Variants in NMNAT3 observed in about 807,000 individuals in gnomAD.
NMNAT3 encodes nicotinamide nucleotide adenylyltransferase 3, also known as nicotinamide/nicotinic acid mononucleotide adenylyltransferase 3.
A neutral mutation model predicts 24.8 loss-of-function variants in NMNAT3; 21 were observed. That is an observed-to-expected ratio of 0.85 (90% CI 0.60 to 1.22). The LOEUF (loss-of-function observed/expected upper bound fraction) is 1.22. Among genes scored for constraint, NMNAT3 ranks in the 50% most tolerant of loss-of-function variants. The pLI is 0.00. For synonymous variants in NMNAT3, 136 were observed against 155.2 expected, an observed-to-expected ratio of 0.88 and a Z score of 0.92; for missense variants, 387 against 436.6, an observed-to-expected ratio of 0.89 and a Z score of 1.01.
intron 3 of NMNAT3, among the ~76,000 whole-genome samples, chr3:139,593,441 C>T (rs1446912682): frequency 6.6e-6 from 1 of 152,190 alleles, no homozygotes; most frequent in Non-Finnish European, 1.5e-5. Context: ...GAATTGAACT[C>T]AGCTCTGCAC....
chr3:139,579,063 A>G lies in NMNAT3; in HGVS notation c.392-8T>C. 6.2e-7 allele frequency: 1 copy of G among 1,611,198 alleles called. No individual in the cohort carries two copies. The highest frequency in any genetic ancestry group is 1.1e-5 in the South Asian group (1 of 90,288). ...GGATGACCTGGTACATTCCTAGGTA[A>G]GAGAGAGCAGTGGTGTTGCACATAC... On this transcript the variant is annotated splice_region_variant and splice_polypyrimidine_tract_variant and intron_variant, in intron 4 of 6. Transcript: ENST00000643695.
chr3:139,655,800 T>C (rs917887125), intron 1 of NMNAT3, among the ~76,000 whole-genome samples: 3 of 152,228 alleles, frequency 2.0e-5, no homozygotes, highest in African/African-American at 7.2e-5. Flanking sequence ...TTGCTCATTG[T>C]GATTATTTAC....
intron 6 of NMNAT3, chr3:139,572,162 T>C (rs1938483613): frequency 5.0e-6 from 2 of 398,738 alleles, no homozygotes; most frequent in Non-Finnish European, 4.4e-6. Context: ...GCTGTCTCTG[T>C]TCTCAGCCTG....
intron 3 of NMNAT3, 106 bp downstream of exon 4, chr3:139,627,510 G>A: frequency 1.7e-6 from 1 of 602,300 alleles, no homozygotes. Flanking sequence ...TAGTTATGCT[G>A]TGAATAAATT....
intron 1 of NMNAT3, among the ~76,000 whole-genome samples, chr3:139,656,501 T>A (rs567641192): frequency 1.3e-5 from 2 of 152,096 alleles, no homozygotes; most frequent in South Asian, 4.2e-4. Context: ...CAGTCAAATA[T>A]GGAAAAACAA....
chr3:139,657,265 G>A (rs1559961908), intron 1 of NMNAT3, among the ~76,000 whole-genome samples: 1 of 152,314 alleles, frequency 6.6e-6, no homozygotes, highest in East Asian at 1.9e-4. Flanking sequence ...TTCAAGATGG[G>A]CTCATTCATT....
chr3:139,573,593 C>A lies in NMNAT3; in HGVS notation c.658+5G>T. 3 of 1,561,086 alleles carry A rather than the reference C, an allele frequency of 1.9e-6. No individual in the cohort carries two copies. The highest frequency in any genetic ancestry group is 1.9e-5 in the Admixed American group (1 of 53,514). On this transcript the variant is annotated splice_donor_5th_base_variant and intron_variant, in intron 6 of 6. Coordinates refer to ENST00000643695, the MANE Select transcript of NMNAT3 (RefSeq NM_001320510.2). Reference sequence around the variant, plus strand: ...TCTCCTACAGACAAGAGGATCAGCACCCACCTGCAGGGGTCGAGAAGAGTG... The same window carrying A: ...TCTCCTACAGACAAGAGGATCAGCAACCACCTGCAGGGGTCGAGAAGAGTG...
At chr3:139,623,977 T>C (rs1425057613) in intron 3 of NMNAT3, among the ~76,000 whole-genome samples, 1 of 152,240 alleles carries the variant, frequency 6.6e-6, no homozygotes, top group Non-Finnish European at 1.5e-5. Context: ...CACGATGCTA[T>C]AACGTCACTG....
chr3:139,610,538 A>G (rs949480628), intron 3 of NMNAT3, among the ~76,000 whole-genome samples: 1 of 152,254 alleles, frequency 6.6e-6, no homozygotes, highest in South Asian at 2.1e-4. Flanking sequence ...TAGAAATGTG[A>G]AAATGAATAG....
intron 1 of NMNAT3, among the ~76,000 whole-genome samples, chr3:139,669,191 C>G (rs2057676136): frequency 6.6e-6 from 1 of 151,992 alleles, no homozygotes; most frequent in African/African-American, 2.4e-5. Context: ...TGGACGGGGG[C>G]ACTGGGCGCA....
chr3:139,599,673 G>T (rs2054626815), intron 3 of NMNAT3, among the ~76,000 whole-genome samples: 1 of 152,186 alleles, frequency 6.6e-6, no homozygotes, highest in Non-Finnish European at 1.5e-5. Flanking sequence ...TGGCTACTGA[G>T]ACTTTGAGGC....
chr3:139,646,749 G>C (rs1016529280), intron 1 of NMNAT3, among the ~76,000 whole-genome samples: 2 of 152,194 alleles, frequency 1.3e-5, no homozygotes, highest in Non-Finnish European at 2.9e-5. Context: ...TATGAAATTG[G>C]GAAATGGAGG....
At chr3:139,562,561 G>A (rs776017515) in intron 6 of NMNAT3, among the ~76,000 whole-genome samples, 36 of 152,348 alleles carry the variant, frequency 2.4e-4, no homozygotes, top group Non-Finnish European at 5.0e-4. Context: ...CCATACTGGA[G>A]AAAAACTTGT....
intron 1 of NMNAT3, among the ~76,000 whole-genome samples, chr3:139,665,272 C>A (rs1047054241): frequency 6.6e-6 from 1 of 152,172 alleles, no homozygotes; most frequent in Admixed American, 6.5e-5. Context: ...GTGGTACCTG[C>A]CACTAAGAAA....
In NMNAT3 at chr3:139,579,027, G is replaced by C; in HGVS notation, c.420C>G (p.Ile140Met). The C allele has an allele frequency of 6.2e-7, 1 of 1,614,082 alleles. No homozygotes were observed. The highest frequency in any genetic ancestry group is 8.5e-7 in the Non-Finnish European group (1 of 1,179,996). The stretch of plus-strand genomic sequence containing the variant: ...TCCCATAGGTGTCGTTGACAGGAGA[G>C]ATGATACCCTGGATGACCTGGTACA... Residue 140 changes from isoleucine to methionine, a missense_variant, in exon 5 of 7, where the codon ATC (isoleucine) becomes ATG (methionine). This residue lies in a region of NMNAT3 where 323 missense variants were observed against 345.2 expected (regional missense o/e 0.94). Transcript: ENST00000643695.
intron 1 of NMNAT3, among the ~76,000 whole-genome samples, chr3:139,644,819 GT>G: frequency 6.6e-6 from 1 of 152,286 alleles, no homozygotes; most frequent in Non-Finnish European, 1.5e-5. Context: ...ATTTAATGGT[GT>G]TCAACTTTTA....
intron 3 of NMNAT3, among the ~76,000 whole-genome samples, chr3:139,591,717 C>G (rs1329925659): frequency 6.6e-6 from 1 of 152,190 alleles, no homozygotes; most frequent in Non-Finnish European, 1.5e-5. Flanking sequence ...AGACTGACAC[C>G]TCACAAGGCC....
In NMNAT3 at chr3:139,576,529, A is replaced by G. The variant is rs76015646; in HGVS notation, c.575+2343T>C. On this transcript the variant is annotated intron_variant, in intron 5 of 6. Transcript: ENST00000643695. Reference sequence around the variant, plus strand: ...AAAAAGCTTATTAAGTGATTTCTGCAGCCAGAGTTGAGACCACTGGTTTGG... The same window carrying G: ...AAAAAGCTTATTAAGTGATTTCTGCGGCCAGAGTTGAGACCACTGGTTTGG... Among the ~76,000 whole-genome samples, 665 of 152,264 alleles carry G rather than the reference A, an allele frequency of 4.4e-3. 21 individuals are homozygous for G. In the East Asian group the frequency reaches 0.08, roughly 18 times the overall value.
intron 4 of NMNAT3, among the ~76,000 whole-genome samples, chr3:139,579,725 T>G (rs12485554): frequency 0.24 from 36,888 of 152,066 alleles, 4,665 homozygotes; most frequent in Admixed American, 0.37. Context: ...GTGTTAAGCT[T>G]CTAAAACTGG....
Sources: gnomAD v4.1 joint callset for allele counts (sites outside exome capture counted in the v4.1 genomes callset) on GRCh38, gnomAD v4.1.1 for gene constraint, gnomAD v4.1.1 regional missense constraint, MANE v1.5 for transcripts, NCBI Gene and HGNC (gene_info 2026-07-23, HGNC 2026-07-21) for gene names.